The following LMAN2L variants were observed in gnomAD, a reference collection of about 807,000 sequenced individuals.
The protein encoded by LMAN2L is lectin, mannose binding 2 like, also known as VIP36-like protein.
LMAN2L carries 30 observed loss-of-function variants against 44.3 expected under a neutral mutation model. That is an observed-to-expected ratio of 0.68 (90% confidence interval 0.51 to 0.92). The LOEUF (loss-of-function observed/expected upper bound fraction) is 0.92, where lower values mean the gene tolerates loss of function less well. LMAN2L is among the 40% of genes least tolerant of loss of function. LMAN2L has a pLI of 0.00. For synonymous variants in LMAN2L, 183 were observed against 171.1 expected, an observed-to-expected ratio of 1.07 and a Z score of -0.54; for missense variants, 429 against 446.1, an observed-to-expected ratio of 0.96 and a Z score of 0.35.
chr2:96,738,641 C>T (rs919608136), intron 1 of LMAN2L, among the ~76,000 whole-genome samples: 9 of 152,114 alleles, frequency 5.9e-5, no homozygotes, highest in African/African-American at 2.2e-4. Context: ...TGCCACTGCA[C>T]TCCAGCCTAG....
At chr2:96,713,230 G>C (rs2077967078) in intron 4 of LMAN2L, 1 of 1,118,566 alleles carries the variant, frequency 8.9e-7, no homozygotes, top group Admixed American at 2.2e-5. Context: ...GAAGAGCTAT[G>C]ACCCAGCTGT....
chr2:96,731,639 C>T (rs943651683), intron 4 of LMAN2L, among the ~76,000 whole-genome samples: 2 of 151,650 alleles, frequency 1.3e-5, no homozygotes, highest in Non-Finnish European at 2.9e-5. Context: ...ACGAGCGAGA[C>T]TCCATCTCAA....
chr2:96,725,212 C>A (rs2078244721), intron 4 of LMAN2L, among the ~76,000 whole-genome samples: 1 of 152,206 alleles, frequency 6.6e-6, no homozygotes, highest in Admixed American at 6.6e-5. Flanking sequence ...CCCGTCTCAG[C>A]CTCCCAAAAT....
At chr2:96,726,168 A>AATATTTTATAATATTTTTGC (rs1381906781) in intron 4 of LMAN2L, among the ~76,000 whole-genome samples, 29 of 151,544 alleles carry the variant, frequency 1.9e-4, no homozygotes, top group Non-Finnish European at 3.8e-4. Flanking sequence ...CCTTTTTAAT[A>AATATTTTATAATATTTTTGC]ATATTTTATA....
chr2:96,738,152 C>CT, intron 1 of LMAN2L, 85 bp from the exon 2 acceptor site: 1 of 871,056 alleles, frequency 1.1e-6, no homozygotes, highest in Non-Finnish European at 1.9e-6. Flanking sequence ...GAAAGCTGAG[C>CT]CATCATCTTT....
In LMAN2L at chr2:96,734,413, C is replaced by T. The variant is rs1004656672; in HGVS notation, c.420G>A (p.Gln140=). ...LAIWYTKDRM[Q]PGPVFGNMDK... The stretch of plus-strand genomic sequence containing the variant: ...AGTAACACAGGCTCCCAATACCTGG[C>T]TGCATCCGATCCTTTGTGTACCAGA... Residue 140 remains glutamine (Q), a synonymous_variant, in exon 3 of 8, where the codon CAG becomes CAA. Transcript: ENST00000264963. The T allele has an allele frequency of 6.3e-7, 1 of 1,587,066 alleles. No individual in the cohort carries two copies. The highest frequency in any genetic ancestry group is 8.7e-7 in the Non-Finnish European group (1 of 1,155,226).
chr2:96,734,775 C>A, intron 2 of LMAN2L: 1 of 475,256 alleles, frequency 2.1e-6, no homozygotes, highest in South Asian at 2.5e-5. Flanking sequence ...CCAACAGAAA[C>A]AGGACAGAAC....
intron 4 of LMAN2L, among the ~76,000 whole-genome samples, chr2:96,726,150 G>T (rs1354847495): frequency 6.7e-6 from 1 of 150,230 alleles, no homozygotes; most frequent in Non-Finnish European, 1.5e-5. Context: ...AAAAAAAAAA[G>T]AAATAAACCT....
At chr2:96,713,466 A>AAT (rs1553468537) in intron 4 of LMAN2L, among the ~76,000 whole-genome samples, 1 of 152,198 alleles carries the variant, frequency 6.6e-6, no homozygotes, top group Non-Finnish European at 1.5e-5. Flanking sequence ...GGCACTTTAT[A>AAT]AAACACATAG....
chr2:96,737,231 A>G, intron 2 of LMAN2L: 1 of 431,676 alleles, frequency 2.3e-6, no homozygotes, highest in Non-Finnish European at 4.5e-6. Flanking sequence ...GAAAAGGTCC[A>G]GAGAAGGACA....
intron 2 of LMAN2L, among the ~76,000 whole-genome samples, chr2:96,736,974 T>C (rs1291326946): frequency 2.6e-5 from 4 of 152,236 alleles, no homozygotes; most frequent in Non-Finnish European, 4.4e-5. Context: ...TTTCTGAGAT[T>C]CGCTTATCTA....
intron 1 of LMAN2L, 78 bp downstream of exon 1, chr2:96,739,776 G>A: frequency 6.8e-7 from 1 of 1,471,826 alleles, no homozygotes; most frequent in Non-Finnish European, 9.4e-7. Flanking sequence ...GAAGCCCTTC[G>A]CCGCCCCCGC....
At chr2:96,724,669 CAG>C (rs1476341296) in intron 4 of LMAN2L, among the ~76,000 whole-genome samples, 1 of 151,892 alleles carries the variant, frequency 6.6e-6, no homozygotes, top group African/African-American at 2.4e-5. Flanking sequence ...TTTTTTGAGA[CAG>C]AGTCTTGCTC....
chr2:96,739,314 T>A (rs1434735646), intron 1 of LMAN2L, among the ~76,000 whole-genome samples: 2 of 152,212 alleles, frequency 1.3e-5, no homozygotes, highest in African/African-American at 4.8e-5. Context: ...TTGTCATCGT[T>A]TTGTGGCTAA....
At chr2:96,715,942 T>G (rs2078031591) in intron 4 of LMAN2L, among the ~76,000 whole-genome samples, 1 of 152,220 alleles carries the variant, frequency 6.6e-6, no homozygotes, top group African/African-American at 2.4e-5. Context: ...GGGTTCATTA[T>G]GAAGATGAAA....
chr2:96,721,292 T>G (rs1031231636), intron 4 of LMAN2L, among the ~76,000 whole-genome samples: 1 of 151,838 alleles, frequency 6.6e-6, no homozygotes, highest in African/African-American at 2.4e-5. Flanking sequence ...GTCATCCATG[T>G]TGGAGCACAT....
At chr2:96,713,006 C>T (rs2077961086) in intron 4 of LMAN2L, 1 of 968,526 alleles carries the variant, frequency 1.0e-6, no homozygotes, top group African/African-American at 1.6e-5. Flanking sequence ...AGACCAGAGA[C>T]CGGGGACTCC....
At chr2:96,721,508 CTTTGT>C (rs1574011354) in intron 4 of LMAN2L, among the ~76,000 whole-genome samples, 1 of 151,326 alleles carries the variant, frequency 6.6e-6, no homozygotes, top group East Asian at 1.9e-4. Context: ...ATTACTCCTA[CTTTGT>C]TTTTTTTTTG....
At chr2:96,733,954 T>C (rs2078459360) in intron 3 of LMAN2L, among the ~76,000 whole-genome samples, 2 of 152,220 alleles carry the variant, frequency 1.3e-5, no homozygotes, top group Non-Finnish European at 2.9e-5. Flanking sequence ...CTGAATTCCC[T>C]AGTTCTCCTT....
Sources: allele counts gnomAD v4.1 joint callset (sites outside exome capture counted in the v4.1 genomes callset), GRCh38; gene constraint gnomAD v4.1.1; transcripts MANE v1.5; gene names NCBI Gene and HGNC (gene_info 2026-07-23, HGNC 2026-07-21).